GAB3: variants seen among roughly 807,000 people sequenced by gnomAD.
GAB3 encodes the protein GRB2-associated-binding protein 3.
Under a neutral mutation model 40.4 loss-of-function variants are expected in GAB3, and 12 were observed. The observed-to-expected ratio is 0.30, with a 90% CI of 0.19 to 0.48. The LOEUF (loss-of-function observed/expected upper bound fraction) is 0.48. Ranked by LOEUF, GAB3 falls within the 20% of genes least tolerant of loss-of-function variation. The pLI is 0.99. For missense variants in GAB3, 381 were observed against 461.9 expected, an observed-to-expected ratio of 0.82 and a Z score of 1.61; for synonymous variants, 154 against 176.7, an observed-to-expected ratio of 0.87 and a Z score of 1.02.
At chrX:154,729,969 G>T (rs1410523379) in intron 1 of GAB3, among the ~76,000 whole-genome samples, 1 of 112,124 alleles carries the variant, frequency 8.9e-6, no homozygotes, top group Non-Finnish European at 1.9e-5. Flanking sequence ...GTTGGTTGAT[G>T]ACCCTTCAAG....
chrX:154,677,651 C>G lies in GAB3; in HGVS notation c.*527G>C, dbSNP rs1396189270. On this transcript the variant is annotated 3_prime_UTR_variant, in exon 10 of 10. Transcript: ENST00000424127. ...GTCATCTGATATACTTATCTCAGAG[C>G]CTGAGATCCATTGCCCCTGTCACTT... The G allele has an allele frequency of 8.6e-6, 1 of 115,616 alleles. No individual in the cohort carries two copies. The highest frequency in any genetic ancestry group is 1.8e-5 in the Non-Finnish European group (1 of 56,170). The allele number at this position is 115,616 out of a possible 1,213,427, so 9.5% of individuals were successfully genotyped here.
At chrX:154,748,589 C>T (rs1409720265) in intron 1 of GAB3, among the ~76,000 whole-genome samples, 1 of 112,560 alleles carries the variant, frequency 8.9e-6, no homozygotes, top group Admixed American at 9.4e-5. Context: ...TACAAGCCTA[C>T]TTTGGACTGA....
chrX:154,736,511 C>T (rs1161614882), intron 1 of GAB3, among the ~76,000 whole-genome samples: 4 of 112,280 alleles, frequency 3.6e-5, no homozygotes, highest in African/African-American at 1.3e-4. Context: ...CATCTAGAGC[C>T]AAGTGGATCC....
chrX:154,716,764 T>C (rs1189861291), intron 1 of GAB3, among the ~76,000 whole-genome samples: 7 of 112,197 alleles, frequency 6.2e-5, no homozygotes, highest in African/African-American at 2.3e-4. Context: ...TGCCCCAGTA[T>C]CTTCCAACAT....
chrX:154,712,658 A>G lies in GAB3; in HGVS notation c.640T>C (p.Leu214=), dbSNP rs376246467. Residue 214 remains leucine (L), a synonymous_variant, in exon 4 of 10, where the codon TTG becomes CTG. Transcript: ENST00000424127. ...ACATCATCAAATGAAGCCTGTTCCA[A>G]TGAACGGTCTGAGTTTGACCAGCTA... ...CDSWSNSDRS[L]EQASFDDVFV... is the part of the protein sequence containing the mutation. The G allele has an allele frequency of 3.5e-6, 4 of 1,132,640 alleles. No individual in the cohort carries two copies. The highest frequency in any genetic ancestry group is 4.7e-6 in the Non-Finnish European group (4 of 858,429). The allele number at this position is 1,132,640 out of a possible 1,213,427, so 93.3% of individuals were successfully genotyped here.
At chrX:154,721,255 A>AT (rs1234829148) in intron 1 of GAB3, among the ~76,000 whole-genome samples, 5 of 112,444 alleles carry the variant, frequency 4.4e-5, no homozygotes, top group Non-Finnish European at 7.5e-5. Context: ...ATCTTAGTCC[A>AT]TTTTCTTTTG....
chrX:154,694,425 C>T (rs782031791), intron 8 of GAB3, among the ~76,000 whole-genome samples: 7 of 107,475 alleles, frequency 6.5e-5, no homozygotes, highest in East Asian at 2.9e-4. Context: ...CTGGCTCTGT[C>T]GCCCAGGCTG....
At chrX:154,689,898 C>T (rs2070526152) in intron 8 of GAB3, among the ~76,000 whole-genome samples, 1 of 102,383 alleles carries the variant, frequency 9.8e-6, no homozygotes, top group Non-Finnish European at 2.0e-5. Flanking sequence ...CCTTTCTTCA[C>T]AGAATTGGAA....
chrX:154,749,870 G>C (rs2148500861), intron 1 of GAB3, among the ~76,000 whole-genome samples: 1 of 112,728 alleles, frequency 8.9e-6, no homozygotes, highest in Non-Finnish European at 1.9e-5. Context: ...CCCACCTCTT[G>C]AACTTCCACA....
chrX:154,709,532 C>A (rs1356085097), intron 4 of GAB3, among the ~76,000 whole-genome samples: 5 of 109,166 alleles, frequency 4.6e-5, no homozygotes, highest in South Asian at 4.0e-4. Context: ...ATTGGCCAGG[C>A]TGGTCTTGAA....
chrX:154,749,837 C>T (rs908830812), intron 1 of GAB3, among the ~76,000 whole-genome samples: 10 of 112,875 alleles, frequency 8.9e-5, no homozygotes, highest in Admixed American at 1.9e-4. Context: ...AGTATTCATA[C>T]ATTATTAAAG....
intron 8 of GAB3, among the ~76,000 whole-genome samples, chrX:154,682,507 G>T (rs1005710545): frequency 1.3e-4 from 15 of 111,273 alleles, no homozygotes; most frequent in African/African-American, 4.9e-4. Context: ...TTTACTAATA[G>T]ATTTTTTCAT....
rs6643690 is a variant in GAB3, at chrX:154,698,153, T to C, written c.1346-940A>G. ...CCAAATTTCAAGGGTTCAATAGCCA[T>C]TATCTCCAACATCACAGAAAGTTCT... On this transcript the variant is annotated intron_variant, in intron 6 of 9. Coordinates refer to ENST00000424127, the MANE Select transcript of GAB3 (RefSeq NM_001081573.3). 0.027 allele frequency among the ~76,000 whole-genome samples: 3,058 copies of C among 112,732 alleles called. 227 individuals carry two copies. The East Asian group carries it at 0.38, about 14-fold the overall frequency.
chrX:154,741,625 G>A (rs1338771339), intron 1 of GAB3, among the ~76,000 whole-genome samples: 4 of 100,461 alleles, frequency 4.0e-5, no homozygotes, highest in African/African-American at 1.1e-4. Context: ...GCCGTGAGCC[G>A]AGGTCATGTC....
chrX:154,728,924 G>A (rs1429959424), intron 1 of GAB3, among the ~76,000 whole-genome samples: 2 of 112,091 alleles, frequency 1.8e-5, no homozygotes, highest in Non-Finnish European at 3.8e-5. Flanking sequence ...GGTTTCAGTG[G>A]TGGGTACATG....
intron 8 of GAB3, among the ~76,000 whole-genome samples, chrX:154,691,607 G>A (rs1283811707): frequency 9.0e-6 from 1 of 111,276 alleles, no homozygotes; most frequent in Non-Finnish European, 1.9e-5. Context: ...ATGCAAAACG[G>A]TTTGCAGATT....
chrX:154,747,839 T>A (rs2071552163), intron 1 of GAB3, among the ~76,000 whole-genome samples: 1 of 112,369 alleles, frequency 8.9e-6, no homozygotes, highest in Admixed American at 9.4e-5. Flanking sequence ...TTCATTAAAA[T>A]TTTTAAATTT....
intron 8 of GAB3, among the ~76,000 whole-genome samples, chrX:154,690,707 A>G (rs2070546097): frequency 9.0e-6 from 1 of 111,697 alleles, no homozygotes; most frequent in African/African-American, 3.3e-5. Flanking sequence ...GCAAATCAAA[A>G]CCACAATGAG....
upstream of GAB3, among the ~76,000 whole-genome samples, chrX:154,751,288 G>GGT (rs2148502864): frequency 1.1e-5 from 1 of 90,877 alleles, no homozygotes; most frequent in African/African-American, 4.6e-5. Context: ...TGTGCCCGGG[G>GGT]GGGGGGTGTG....
Sources: gnomAD v4.1 joint callset for allele counts (sites outside exome capture counted in the v4.1 genomes callset) on GRCh38, gnomAD v4.1.1 for gene constraint, MANE v1.5 for transcripts, NCBI Gene and HGNC (gene_info 2026-07-23, HGNC 2026-07-21) for gene names.